The following TBC1D19 variants were observed in gnomAD, a reference collection of about 807,000 sequenced individuals.
TBC1D19 encodes TBC1 domain family member 19.
TBC1D19 carries 60 observed loss-of-function variants against 89.0 expected under a neutral mutation model. The ratio of observed to expected loss-of-function variants is 0.67; its 90% CI spans 0.55 to 0.84. The LOEUF (loss-of-function observed/expected upper bound fraction) is 0.84. Ranked by LOEUF, TBC1D19 falls within the 40% of genes least tolerant of loss-of-function variation. The pLI is 0.00. For synonymous variants in TBC1D19, 189 were observed against 199.7 expected (o/e 0.95, Z 0.45); for missense variants, 500 against 610.8 (o/e 0.82, Z 1.91).
At chr4:26,699,223 A>G (rs1222075157) in intron 13 of TBC1D19, among the ~76,000 whole-genome samples, 1 of 152,262 alleles carries the variant, frequency 6.6e-6, no homozygotes, top group Non-Finnish European at 1.5e-5. Context: ...GACACTTCTC[A>G]AAAGAAGACA....
chr4:26,613,934 A>G (rs1365083558), intron 2 of TBC1D19, among the ~76,000 whole-genome samples: 3 of 152,168 alleles, frequency 2.0e-5, no homozygotes, highest in African/African-American at 7.2e-5. Flanking sequence ...TTAGCAGCTG[A>G]GCTAACTTGT....
At chr4:26,693,632 C>T (rs1419029184) in intron 13 of TBC1D19, among the ~76,000 whole-genome samples, 1 of 151,248 alleles carries the variant, frequency 6.6e-6, no homozygotes, top group East Asian at 1.9e-4. Flanking sequence ...GAGGTCAAGG[C>T]TGCAGTGAGC....
chr4:26,674,114 G>A (rs1003220981), intron 11 of TBC1D19, among the ~76,000 whole-genome samples: 4 of 152,066 alleles, frequency 2.6e-5, no homozygotes, highest in African/African-American at 9.7e-5. Flanking sequence ...ATGAAATGGT[G>A]TGACCTTACA....
At chr4:26,732,854 TGTAA>T (rs1717750217) in intron 15 of TBC1D19, among the ~76,000 whole-genome samples, 1 of 152,156 alleles carries the variant, frequency 6.6e-6, no homozygotes. Context: ...TCCTCTGGGC[TGTAA>T]GTGAGAAAAC....
chr4:26,662,524 A>G (rs1248412365), intron 8 of TBC1D19, among the ~76,000 whole-genome samples: 1 of 152,236 alleles, frequency 6.6e-6, no homozygotes, highest in African/African-American at 2.4e-5. Context: ...AGGGAATGTA[A>G]TTAAGTTTAT....
intron 11 of TBC1D19, among the ~76,000 whole-genome samples, chr4:26,676,985 C>G (rs1712870236): frequency 6.6e-6 from 1 of 152,108 alleles, no homozygotes; most frequent in Admixed American, 6.6e-5. Flanking sequence ...TCAGATCTCT[C>G]TTTTCTAAAC....
the TBC1D19 span, among the ~76,000 whole-genome samples, chr4:26,817,084 T>C: frequency 6.6e-6 from 1 of 152,252 alleles, no homozygotes; most frequent in African/African-American, 2.4e-5. Flanking sequence ...CTGATGCTTA[T>C]GCTCTTTACT....
At chr4:26,688,303 T>C (rs1577935270) in intron 12 of TBC1D19, 42 bp from the exon 13 acceptor site, 2 of 1,547,474 alleles carry the variant, frequency 1.3e-6, no homozygotes, top group Non-Finnish European at 1.7e-6. Context: ...TACAGACAGA[T>C]CTGTTTGAGT....
the TBC1D19 span, among the ~76,000 whole-genome samples, chr4:26,845,535 C>A: frequency 6.6e-6 from 1 of 152,180 alleles, no homozygotes; most frequent in Non-Finnish European, 1.5e-5. Context: ...ACTTCCCATT[C>A]CCTCCTCCCC....
At chr4:26,807,462 T>C in the TBC1D19 span, among the ~76,000 whole-genome samples, 24 of 152,314 alleles carry the variant, frequency 1.6e-4, no homozygotes, top group Middle Eastern at 3.4e-3. Context: ...GGGAAATCTC[T>C]CACTTCCTCT....
intron 13 of TBC1D19, among the ~76,000 whole-genome samples, chr4:26,709,328 C>T (rs949762787): frequency 6.6e-6 from 1 of 151,840 alleles, no homozygotes; most frequent in African/African-American, 2.4e-5. Context: ...CATCTGGCTC[C>T]CAAAGGGAAT....
At chr4:26,814,748 T>C in the TBC1D19 span, among the ~76,000 whole-genome samples, 278 of 152,368 alleles carry the variant, frequency 1.8e-3, no homozygotes, top group African/African-American at 6.3e-3. Context: ...CAGCCAGGCA[T>C]GGTGGCACAT....
chr4:26,590,592 T>C (rs1739706041), intron 1 of TBC1D19, among the ~76,000 whole-genome samples: 1 of 152,142 alleles, frequency 6.6e-6, no homozygotes, highest in East Asian at 1.9e-4. Flanking sequence ...TTTGAGAATA[T>C]TTTTAAATTA....
In TBC1D19 at chr4:26,753,690, G is replaced by A. The variant is rs902909983; in HGVS notation, c.1436-130G>A. ...ATCACAAGACCTTAATTCAGAATGC[G>A]GGGGTGTGGTCCGTTGTGTAAAGCA... On this transcript the variant is annotated intron_variant, in intron 19 of 20. Transcript: ENST00000264866. 27 of 822,342 alleles carry A rather than the reference G, an allele frequency of 3.3e-5. 1 individual carries two copies. Among genetic ancestry groups the A allele is most frequent in the African/African-American group, 6.7e-5 (4 of 59,726 alleles). 50.9% of individuals were successfully genotyped at this position (822,342 alleles called of 1,614,324 possible).
At chr4:26,614,563 A>G in intron 3 of TBC1D19, 110 bp downstream of exon 3, 1 of 596,212 alleles carries the variant, frequency 1.7e-6, no homozygotes, top group Non-Finnish European at 2.6e-6. Flanking sequence ...TTTATCATTA[A>G]TATTTATACA....
chr4:26,695,287 C>T (rs1013306175), intron 13 of TBC1D19, among the ~76,000 whole-genome samples: 4 of 151,788 alleles, frequency 2.6e-5, no homozygotes, highest in African/African-American at 4.8e-5. Context: ...TGAAATGAAG[C>T]GAGAAGAGAA....
intron 13 of TBC1D19, among the ~76,000 whole-genome samples, chr4:26,714,089 T>C (rs939619154): frequency 6.6e-5 from 10 of 152,062 alleles, no homozygotes; most frequent in Non-Finnish European, 1.0e-4. Flanking sequence ...CTCACGCCTG[T>C]AATCCCAGCA....
chr4:26,705,984 T>C (rs1362429095), intron 13 of TBC1D19, among the ~76,000 whole-genome samples: 3 of 152,046 alleles, frequency 2.0e-5, no homozygotes, highest in Non-Finnish European at 4.4e-5. Flanking sequence ...TCATAGCACA[T>C]GCACTGTACC....
downstream of TBC1D19, among the ~76,000 whole-genome samples, chr4:26,758,244 G>A (rs916068541): frequency 6.6e-6 from 1 of 152,150 alleles, no homozygotes; most frequent in African/African-American, 2.4e-5. Flanking sequence ...TTATTCTCAA[G>A]GCAGTTTTCA....
Sources: gnomAD v4.1 joint callset for allele counts (sites outside exome capture counted in the v4.1 genomes callset) on GRCh38, gnomAD v4.1.1 for gene constraint, MANE v1.5 for transcripts, NCBI Gene and HGNC (gene_info 2026-07-23, HGNC 2026-07-21) for gene names.